B3GALT1: variants seen among roughly 807,000 people sequenced by gnomAD.
B3GALT1 encodes beta-1,3-galactosyltransferase 1, also known as UDP-Gal:betaGlcNAc beta 1,3-galactosyltransferase, polypeptide 1.
In B3GALT1, 10 loss-of-function variants were observed where a neutral mutation model predicts 23.2. The observed-to-expected ratio is 0.43, with a 90% CI of 0.27 to 0.73. The LOEUF is 0.73. Among genes scored for constraint, B3GALT1 ranks in the 30% least tolerant of loss-of-function variants. B3GALT1 has a pLI of 0.21. For synonymous variants in B3GALT1, 156 were observed against 141.5 expected, an observed-to-expected ratio of 1.10 and a Z score of -0.73; for missense variants, 299 against 405.4, an observed-to-expected ratio of 0.74 and a Z score of 2.25.
intron 3 of B3GALT1, among the ~76,000 whole-genome samples, chr2:167,678,281 C>T (rs1255514475): frequency 6.6e-6 from 1 of 152,156 alleles, no homozygotes; most frequent in Admixed American, 6.5e-5. Context: ...GCTGTTCGAT[C>T]CACTTTCCGT....
intron 3 of B3GALT1, among the ~76,000 whole-genome samples, chr2:167,722,254 T>G (rs537717956): frequency 6.6e-6 from 1 of 152,332 alleles, no homozygotes; most frequent in South Asian, 2.1e-4. Flanking sequence ...GCACAGATAC[T>G]CCGAAGATAA....
chr2:167,614,361 TA>T (rs202093579), intron 2 of B3GALT1, among the ~76,000 whole-genome samples: 6,241 of 144,926 alleles, frequency 0.043, 403 homozygotes, highest in African/African-American at 0.14. Context: ...AAAGTCTTTG[TA>T]AAAAAAAAAA....
At chr2:167,631,064 T>C (rs1272854255) in intron 2 of B3GALT1, among the ~76,000 whole-genome samples, 3 of 151,950 alleles carry the variant, frequency 2.0e-5, no homozygotes, top group African/African-American at 7.2e-5. Flanking sequence ...CAATATTATT[T>C]GAATTTTTTA....
intron 4 of B3GALT1, among the ~76,000 whole-genome samples, chr2:167,863,448 G>C (rs889989256): frequency 6.6e-6 from 1 of 152,140 alleles, no homozygotes; most frequent in African/African-American, 2.4e-5. Flanking sequence ...AGATGATTTG[G>C]CAATGGTTGT....
chr2:167,579,569 G>A (rs974224749), intron 2 of B3GALT1, among the ~76,000 whole-genome samples: 1 of 151,632 alleles, frequency 6.6e-6, no homozygotes, highest in African/African-American at 2.4e-5. Context: ...ACTCAATGAG[G>A]CCTGATAACT....
intron 3 of B3GALT1, among the ~76,000 whole-genome samples, chr2:167,666,583 C>A (rs375349698): frequency 1.3e-5 from 2 of 151,666 alleles, no homozygotes; most frequent in African/African-American, 4.9e-5. Flanking sequence ...GTGTGGGAGT[C>A]TAAGTCTCTT....
At chr2:167,442,726 G>A (rs1371182292) in intron 1 of B3GALT1, among the ~76,000 whole-genome samples, 1 of 147,494 alleles carries the variant, frequency 6.8e-6, no homozygotes, top group Admixed American at 6.7e-5. Context: ...TGATGGGGTT[G>A]TTTTTTTCTT....
chr2:167,374,525 GTTT>G (rs1207422117), intron 1 of B3GALT1, among the ~76,000 whole-genome samples: 4 of 152,000 alleles, frequency 2.6e-5, no homozygotes, highest in African/African-American at 9.7e-5. Flanking sequence ...CACCAGCTCT[GTTT>G]TTTATCTTTT....
chr2:167,830,298 C>A (rs890732715), intron 4 of B3GALT1, among the ~76,000 whole-genome samples: 2 of 151,298 alleles, frequency 1.3e-5, no homozygotes, highest in African/African-American at 4.9e-5. Flanking sequence ...GCAGGCTGTG[C>A]GGCAAACATA....
intron 2 of B3GALT1, among the ~76,000 whole-genome samples, chr2:167,577,742 A>G (rs1684410098): frequency 6.6e-6 from 1 of 151,940 alleles, no homozygotes; most frequent in South Asian, 2.1e-4. Context: ...ATTGAAATAA[A>G]TTTCCTATAG....
At chr2:167,430,352 C>T (rs539801588) in intron 1 of B3GALT1, among the ~76,000 whole-genome samples, 112 of 152,258 alleles carry the variant, frequency 7.4e-4, no homozygotes, top group African/African-American at 2.7e-3. Context: ...TTGTAAACAC[C>T]TTGTCGCCTT....
At chr2:167,299,993 C>T (rs1024163306) in intron 1 of B3GALT1, among the ~76,000 whole-genome samples, 2 of 152,086 alleles carry the variant, frequency 1.3e-5, no homozygotes, top group African/African-American at 2.4e-5. Context: ...ACCTCTTCCT[C>T]CCGGGTTCAA....
chr2:167,540,086 C>G (rs1163552516), intron 2 of B3GALT1, among the ~76,000 whole-genome samples: 2 of 152,074 alleles, frequency 1.3e-5, no homozygotes, highest in Non-Finnish European at 2.9e-5. Flanking sequence ...AAACACTAGT[C>G]ATCTTTCTCT....
chr2:167,333,150 A>G (rs1170309859), intron 1 of B3GALT1, among the ~76,000 whole-genome samples: 1 of 152,224 alleles, frequency 6.6e-6, no homozygotes, highest in African/African-American at 2.4e-5. Context: ...AAAGGCATAA[A>G]CTCACAAGGA....
chr2:167,626,914 A>G (rs952833310), intron 2 of B3GALT1, among the ~76,000 whole-genome samples: 1 of 151,728 alleles, frequency 6.6e-6, no homozygotes. Context: ...TCTTGATCCT[A>G]AAACTCTTTA....
At chr2:167,421,514 T>C (rs1698546617) in intron 1 of B3GALT1, among the ~76,000 whole-genome samples, 1 of 152,164 alleles carries the variant, frequency 6.6e-6, no homozygotes, top group Non-Finnish European at 1.5e-5. Flanking sequence ...CTCAAATCCT[T>C]CGTGAAGGAG....
intron 2 of B3GALT1, among the ~76,000 whole-genome samples, chr2:167,590,142 C>T (rs190673195): frequency 0.011 from 1,643 of 152,008 alleles, 34 homozygotes; most frequent in African/African-American, 0.038. Flanking sequence ...GTCAGGAGAT[C>T]GAGACCATCC....
At chr2:167,835,224 C>A (rs942324506) in intron 4 of B3GALT1, among the ~76,000 whole-genome samples, 1 of 152,170 alleles carries the variant, frequency 6.6e-6, no homozygotes, top group African/African-American at 2.4e-5. Flanking sequence ...CGAAGCAGGG[C>A]GAGGCATTGC....
chr2:167,586,646 A>T (rs1441772416), intron 2 of B3GALT1, among the ~76,000 whole-genome samples: 1 of 152,206 alleles, frequency 6.6e-6, no homozygotes, highest in Non-Finnish European at 1.5e-5. Flanking sequence ...TTTAAAGTTC[A>T]TTTTAACAGA....
Sources: gnomAD v4.1 joint callset for allele counts (sites outside exome capture counted in the v4.1 genomes callset) on GRCh38, gnomAD v4.1.1 for gene constraint, MANE v1.5 for transcripts, NCBI Gene and HGNC (gene_info 2026-07-23, HGNC 2026-07-21) for gene names.